Variants in WHRN observed in about 807,000 individuals in gnomAD.
WHRN encodes CASK-interacting protein CIP98.
A neutral mutation model predicts 68.3 loss-of-function variants in WHRN; 41 were observed. The observed-to-expected ratio is 0.60, with a 90% CI of 0.47 to 0.78. The LOEUF (loss-of-function observed/expected upper bound fraction) is 0.78, where lower values mean the gene tolerates loss of function less well. Ranked by LOEUF, WHRN falls within the 30% of genes least tolerant of loss-of-function variation. The probability of loss-of-function intolerance (pLI) is 0.00; values close to 1 mark genes in which losing one functional copy is unlikely to be tolerated. For synonymous variants in WHRN, 560 were observed against 561.3 expected (o/e 1.00, Z 0.03); for missense variants, 1,243 against 1,244.7 (o/e 1.00, Z 0.02).
At chr9:114,485,230 C>A (rs1024188701) in intron 1 of WHRN, among the ~76,000 whole-genome samples, 7 of 152,200 alleles carry the variant, frequency 4.6e-5, no homozygotes, top group Admixed American at 1.3e-4. Flanking sequence ...CTTAGTGACC[C>A]AGAAGGGAGG....
chr9:114,423,342 C>A lies in WHRN; in HGVS notation c.1598G>T (p.Gly533Val), dbSNP rs772100554. Residue 533 changes from glycine (G) to valine (V), a missense_variant, in exon 7 of 12, where the codon GGC becomes GTC. Coordinates refer to ENST00000362057, the MANE Select transcript of WHRN (RefSeq NM_015404.4). Reference protein sequence around the residue: ...SDTGSSTGSHGTSTTVSSARN... With the variant: ...SDTGSSTGSHVTSTTVSSARN... ...GGCCGAGCTGACGGTGGTGGAGGTG[C>A]CGTGGCTGCCTGTGGATGAACCCGT... The A allele has an allele frequency of 5.0e-6, 8 of 1,613,940 alleles. No homozygotes were observed. Among genetic ancestry groups the A allele is most frequent in the Non-Finnish European group, 5.9e-6 (7 of 1,179,924 alleles).
chr9:114,501,993 T>C (rs1229143160), intron 1 of WHRN, among the ~76,000 whole-genome samples: 1 of 152,208 alleles, frequency 6.6e-6, no homozygotes. Context: ...TCCCTGAAAC[T>C]ACACGAGGAG....
Position 114,496,433 on chromosome 9 carries a change from T to C in WHRN, c.618+7751A>G, listed in dbSNP as rs76583887. 6.7e-3 allele frequency among the ~76,000 whole-genome samples: 1,020 copies of C among 152,324 alleles called. 8 individuals carry two copies. Among genetic ancestry groups the C allele is most frequent in the African/African-American group, 0.023 (958 of 41,558 alleles). ...ACTCTGTCTATGTGGGGATATTGAC[T>C]ACATTCAGTAAATGACTCTGCAATT... On this transcript the variant is annotated intron_variant, in intron 1 of 11. Coordinates refer to ENST00000362057, the MANE Select transcript of WHRN (RefSeq NM_015404.4).
rs10982208 is a variant in WHRN, at chr9:114,419,470, A to G, written c.1626+3844T>C. On this transcript the variant is annotated intron_variant, in intron 7 of 11. Transcript: ENST00000362057. ...CTGCCCTCAAGCAGTCAGCAGTCAC[A>G]TTGGGTAACTGGGAAACCTGTACAG... is the stretch of plus-strand genomic sequence containing the variant. 7.0e-3 allele frequency among the ~76,000 whole-genome samples: 1,073 copies of G among 152,348 alleles called. 12 individuals carry two copies. Among genetic ancestry groups the G allele is most frequent in the East Asian group, 0.036 (189 of 5,180 alleles).
intron 3 of WHRN, among the ~76,000 whole-genome samples, chr9:114,459,784 G>C (rs1209165761): frequency 6.6e-6 from 1 of 152,202 alleles, no homozygotes; most frequent in African/African-American, 2.4e-5. Context: ...CATTAGGACT[G>C]CCATAAAATC....
At chr9:114,451,190 T>C (rs1156870457) in intron 3 of WHRN, among the ~76,000 whole-genome samples, 2 of 152,170 alleles carry the variant, frequency 1.3e-5, no homozygotes, top group Admixed American at 6.5e-5. Context: ...CAAGGTAAAA[T>C]AGAAAGTCCT....
chr9:114,483,382 C>T (rs1157810075), intron 1 of WHRN, among the ~76,000 whole-genome samples: 1 of 152,166 alleles, frequency 6.6e-6, no homozygotes, highest in Admixed American at 6.5e-5. Context: ...GCTCCTACTG[C>T]CTTCTTGTCT....
intron 1 of WHRN, among the ~76,000 whole-genome samples, chr9:114,503,904 C>T (rs1465894597): frequency 6.6e-6 from 1 of 152,246 alleles, no homozygotes; most frequent in Non-Finnish European, 1.5e-5. Flanking sequence ...CCTATTCACA[C>T]ATTGTAACCA....
intron 3 of WHRN, among the ~76,000 whole-genome samples, chr9:114,432,238 T>G (rs543085605): frequency 6.6e-6 from 1 of 151,956 alleles, no homozygotes; most frequent in African/African-American, 2.4e-5. Context: ...GGGGCTTCAA[T>G]AAGGGCAGGA....
intron 7 of WHRN, among the ~76,000 whole-genome samples, chr9:114,408,572 T>C (rs1367500429): frequency 1.3e-5 from 2 of 152,272 alleles, no homozygotes; most frequent in African/African-American, 4.8e-5. Context: ...TAAGTGACAC[T>C]GGGCTGCCAA....
At chr9:114,435,105 G>A (rs866517693) in intron 3 of WHRN, among the ~76,000 whole-genome samples, 1 of 152,220 alleles carries the variant, frequency 6.6e-6, no homozygotes, top group Middle Eastern at 3.4e-3. Flanking sequence ...GCCTTCTCCA[G>A]CTCCAAGGCA....
intron 2 of WHRN, among the ~76,000 whole-genome samples, chr9:114,473,283 G>A (rs573748071): frequency 3.9e-4 from 59 of 152,318 alleles, no homozygotes; most frequent in African/African-American, 5.5e-4. Flanking sequence ...TCATTCCTCC[G>A]AGCAGATTCC....
chr9:114,453,792 T>C (rs1839542141), intron 3 of WHRN, among the ~76,000 whole-genome samples: 1 of 152,202 alleles, frequency 6.6e-6, no homozygotes. Flanking sequence ...CCCAGACACT[T>C]TCATGAATGA....
intron 7 of WHRN, among the ~76,000 whole-genome samples, chr9:114,422,042 C>T (rs1238844245): frequency 6.6e-6 from 1 of 152,188 alleles, no homozygotes; most frequent in Non-Finnish European, 1.5e-5. Context: ...AGGGTGCATG[C>T]TCCTGGGCCA....
At chr9:114,444,563 C>T (rs1212104692) in intron 3 of WHRN, among the ~76,000 whole-genome samples, 2 of 151,922 alleles carry the variant, frequency 1.3e-5, no homozygotes, top group African/African-American at 4.8e-5. Context: ...CCTCCGAAAC[C>T]CCCTTCTCTT....
intron 3 of WHRN, among the ~76,000 whole-genome samples, chr9:114,457,440 C>T (rs1111712): frequency 0.74 from 112,467 of 152,026 alleles, 41,825 homozygotes; most frequent in East Asian, 0.97. Flanking sequence ...AGTGTCATTA[C>T]GTAATTAACT....
chr9:114,441,745 T>C (rs1158932389), intron 3 of WHRN, among the ~76,000 whole-genome samples: 3 of 152,206 alleles, frequency 2.0e-5, no homozygotes, highest in Non-Finnish European at 4.4e-5. Flanking sequence ...AATCACAGGA[T>C]AAAGCTCCTC....
At chr9:114,423,819 C>T (rs941920176) in intron 6 of WHRN, among the ~76,000 whole-genome samples, 1 of 152,224 alleles carries the variant, frequency 6.6e-6, no homozygotes, top group Non-Finnish European at 1.5e-5. Flanking sequence ...ACCTTCCACC[C>T]AGAATACCCT....
intron 3 of WHRN, among the ~76,000 whole-genome samples, chr9:114,438,883 A>G (rs1411417866): frequency 2.6e-5 from 4 of 152,230 alleles, no homozygotes; most frequent in African/African-American, 9.6e-5. Flanking sequence ...ATGTCCATAC[A>G]GAGGAGAACG....
Sources: allele counts gnomAD v4.1 joint callset (sites outside exome capture counted in the v4.1 genomes callset), GRCh38; gene constraint gnomAD v4.1.1; transcripts MANE v1.5; gene names NCBI Gene and HGNC (gene_info 2026-07-23, HGNC 2026-07-21).